CACNA1C: variants seen among roughly 807,000 people sequenced by gnomAD.
CACNA1C encodes calcium voltage-gated channel subunit alpha1 C.
A neutral mutation model predicts 229.0 loss-of-function variants in CACNA1C; 30 were observed. The observed-to-expected ratio is 0.13, with a 90% confidence interval of 0.10 to 0.18. CACNA1C has a LOEUF of 0.18. Among genes scored for constraint, CACNA1C ranks in the 10% least tolerant of loss-of-function variants. CACNA1C has a pLI of 1.00. For missense variants in CACNA1C, 1,658 were observed against 2,845.0 expected (o/e 0.58, Z 9.49); for synonymous variants, 1,114 against 1,132.5 (o/e 0.98, Z 0.33).
At chr12:2,071,256 T>A (rs1173837774) in intron 1 of CACNA1C, among the ~76,000 whole-genome samples, 1 of 149,238 alleles carries the variant, frequency 6.7e-6, no homozygotes. Context: ...GGTCTCACTC[T>A]GTTGCCCAGG....
chr12:2,675,592 C>G (rs1247947820), intron 39 of CACNA1C, among the ~76,000 whole-genome samples: 1 of 152,224 alleles, frequency 6.6e-6, no homozygotes, highest in East Asian at 1.9e-4. Context: ...GCGAACCTCT[C>G]TTGGCCAAGT....
At chr12:2,426,926 G>T (rs1465183991) in intron 3 of CACNA1C, among the ~76,000 whole-genome samples, 1 of 152,236 alleles carries the variant, frequency 6.6e-6, no homozygotes, top group Non-Finnish European at 1.5e-5. Flanking sequence ...CTTAGCTGTT[G>T]CACATTATTC....
At position 2,666,616 on chromosome 12, in the gene CACNA1C, A is replaced by T; in HGVS notation, c.4527-70A>T. ...TGAGTGGGCCCTACCCCTCAGGCGC[A>T]TGCGTCCTGGGCTGCTGGCAGAGAC... On this transcript the variant is annotated intron_variant, in intron 36 of 46. Transcript: ENST00000399655. This position sits in a 1 kb window ranked among gnomAD's most constrained non-coding sequence, Gnocchi z 5.3. The T allele has an allele frequency of 1.0e-6, 1 of 968,840 alleles. No individual in the cohort carries two copies. Among genetic ancestry groups the T allele is most frequent in the Admixed American group, 2.0e-5 (1 of 48,792 alleles). The allele number at this position is 968,840 out of a possible 1,614,324, so 60.0% of individuals were successfully genotyped here.
In CACNA1C at chr12:2,029,277, A is replaced by G. The variant is rs1323316927; in HGVS notation, c.139+58076A>G. 1.3e-5 allele frequency among the ~76,000 whole-genome samples: 2 copies of G among 152,190 alleles called. No homozygotes were observed. The highest frequency in any genetic ancestry group is 2.4e-5 in the African/African-American group (1 of 41,434). On this transcript the variant is annotated intron_variant, in intron 1 of 46. Transcript: ENST00000682462. The surrounding 1 kb of genome is among the most constrained non-coding windows in gnomAD (Gnocchi z 4.9). ...TGATGCTGCATTTATAAATTTTTAA[A>G]AATTGAGGTGTGATTCATTTCACAT... is the stretch of plus-strand genomic sequence containing the variant.
intron 1 of CACNA1C, among the ~76,000 whole-genome samples, chr12:1,985,221 C>T (rs2037354324): frequency 6.6e-6 from 1 of 152,066 alleles, no homozygotes; most frequent in Non-Finnish European, 1.5e-5. Context: ...AGTCTCTCCT[C>T]TTTATTAGAC....
intron 3 of CACNA1C, among the ~76,000 whole-genome samples, chr12:2,321,041 CGTATTTACA>C (rs1033128664): frequency 2.0e-5 from 3 of 152,214 alleles, no homozygotes; most frequent in African/African-American, 7.2e-5. Context: ...CCTATAATCA[CGTATTTACA>C]GTTGCTGCAT....
chr12:2,042,616 G>T (rs1366869040), intron 1 of CACNA1C, among the ~76,000 whole-genome samples: 1 of 152,284 alleles, frequency 6.6e-6, no homozygotes, highest in Non-Finnish European at 1.5e-5. Flanking sequence ...ACACCACAGG[G>T]ATATGGACCT....
intron 3 of CACNA1C, among the ~76,000 whole-genome samples, chr12:2,296,071 A>G (rs1177496588): frequency 6.6e-6 from 1 of 152,258 alleles, no homozygotes; most frequent in Non-Finnish European, 1.5e-5. Flanking sequence ...AGCAGGTGTC[A>G]TAAGAACGGA....
At position 2,493,480 on chromosome 12, in the gene CACNA1C, G is replaced by GA; in HGVS notation, c.1113+94_1113+95insA. On this transcript the variant is annotated intron_variant, in intron 7 of 46. Coordinates refer to ENST00000399655, the MANE Select transcript of CACNA1C (RefSeq NM_000719.7). The surrounding 1 kb of genome is among the most constrained non-coding windows in gnomAD (Gnocchi z 4.6). ...CTTTCTCCTCCTCCCCATGGTCTTG[G>GA]GGTCACATACGCATCTTGATGGAAT... 2 of 918,866 alleles carry GA rather than the reference G, an allele frequency of 2.2e-6. No individual in the cohort carries two copies. The highest frequency in any genetic ancestry group is 1.8e-6 in the Non-Finnish European group (1 of 567,570). The allele number at this position is 918,866 out of a possible 1,614,324, so 56.9% of individuals were successfully genotyped here. A position where few individuals can be genotyped will look rare whatever the true frequency, so the allele number is the denominator to read the frequency against.
In CACNA1C at chr12:2,526,203, G is replaced by A. The variant is rs941482150; in HGVS notation, c.1390+13219G>A. On this transcript the variant is annotated intron_variant, in intron 9 of 46. Coordinates refer to ENST00000399655, the MANE Select transcript of CACNA1C (RefSeq NM_000719.7). ...AATTACGGAATTCTAAAACCCTGGG[G>A]CATAAAGGGGGCTCCAGGTCCCTGA... is the stretch of plus-strand genomic sequence containing the variant. Among the ~76,000 whole-genome samples, 23 of 152,194 alleles carry A rather than the reference G, an allele frequency of 1.5e-4. 1 individual carries two copies. Among genetic ancestry groups the A allele is most frequent in the African/African-American group, 5.3e-4 (22 of 41,424 alleles).
rs2153866835 is a variant in CACNA1C at position 2,688,675 on chromosome 12, A to G, written c.6013A>G (p.Ser2005Gly). Residue 2005 changes from serine (S) to glycine (G), a missense_variant, in exon 46 of 47, where the codon AGC becomes GGC. Around this residue, in one of 20 missense-constraint regions of CACNA1C, gnomAD observed 590 missense variants for 700.8 expected, o/e 0.84. Transcript: ENST00000399655. ...WAETTPGGGG[S>G]SAARRVRPVS... is the part of the protein sequence containing the mutation. ...TGAGACCACCCCCGGTGGCGGGGGC[A>G]GCAGCGCCGCCCGGAGAGTCCGGCC... The G allele has an allele frequency of 6.2e-7, 1 of 1,613,248 alleles. No individual in the cohort carries two copies. Among genetic ancestry groups the G allele is most frequent in the Non-Finnish European group, 8.5e-7 (1 of 1,179,696 alleles).
chr12:2,170,130 T>G (rs543517184), intron 3 of CACNA1C, among the ~76,000 whole-genome samples: 12 of 152,308 alleles, frequency 7.9e-5, no homozygotes, highest in African/African-American at 2.6e-4. Flanking sequence ...AAGCCTCATG[T>G]CCAACCATGG....
At chr12:2,461,913 G>A (rs540280174) in intron 5 of CACNA1C, among the ~76,000 whole-genome samples, 6 of 152,234 alleles carry the variant, frequency 3.9e-5, no homozygotes, top group South Asian at 2.1e-4. Context: ...ATCATGGCCC[G>A]GACCTAACAC....
Position 2,569,356 on chromosome 12 carries a change from CTTAA to C in CACNA1C, c.1895+1565_1895+1568del, listed in dbSNP as rs1001226081. On this transcript the variant is annotated intron_variant, in intron 13 of 46. Transcript: ENST00000399655. ...TATATTTACCCCTTACAATGTGTAACTTAATTGTTTTTTTATATTCATGGTTATG... is the reference window on the plus strand; with the variant it reads ...TATATTTACCCCTTACAATGTGTAACTTGTTTTTTTATATTCATGGTTATG... 1.1e-4 allele frequency among the ~76,000 whole-genome samples: 16 copies of C among 152,270 alleles called. No homozygotes were observed. In the South Asian group the frequency reaches 1.2e-3, roughly 12 times the overall value.
chr12:2,053,041 C>T lies in CACNA1C; in HGVS notation c.-522C>T. ...GCTCCTGCCAGAGCGGCGCTCGGCG[C>T]GGCGCGGCGGGCCCGGAGCGGCGGC... On this transcript the variant is annotated 5_prime_UTR_variant, in exon 1 of 47. Transcript: ENST00000399655. The surrounding 1 kb of genome is among the most constrained non-coding windows in gnomAD (Gnocchi z 5.8). 1.0e-6 allele frequency: 1 copy of T among 984,502 alleles called. No individual in the cohort carries two copies. The allele number at this position is 984,502 out of a possible 1,614,324, so 61.0% of individuals were successfully genotyped here.
chr12:2,411,101 G>A (rs748922296), intron 3 of CACNA1C, among the ~76,000 whole-genome samples: 11 of 152,104 alleles, frequency 7.2e-5, no homozygotes, highest in African/African-American at 1.7e-4. Context: ...TGCTCCGCCC[G>A]TGTATGTGTT....
At chr12:2,360,895 C>T (rs1048032699) in intron 3 of CACNA1C, among the ~76,000 whole-genome samples, 14 of 151,880 alleles carry the variant, frequency 9.2e-5, no homozygotes, top group South Asian at 6.2e-4. Flanking sequence ...GAAAAATATA[C>T]GAATCCACTC....
chr12:2,083,501 A>C (rs1402131063), intron 1 of CACNA1C, among the ~76,000 whole-genome samples: 1 of 152,160 alleles, frequency 6.6e-6, no homozygotes, highest in Non-Finnish European at 1.5e-5. Context: ...GCCATTGGAG[A>C]AGCTGGGTTT....
rs145037056 is a variant in CACNA1C at position 2,346,108 on chromosome 12, C to T, written c.478-102868C>T. 1.3e-5 allele frequency among the ~76,000 whole-genome samples: 2 copies of T among 152,268 alleles called. No individual in the cohort carries two copies. The highest frequency in any genetic ancestry group is 3.9e-4 in the East Asian group (2 of 5,184). On this transcript the variant is annotated intron_variant, in intron 3 of 46. Coordinates refer to ENST00000399655, the MANE Select transcript of CACNA1C (RefSeq NM_000719.7). The surrounding 1 kb of genome is among the most constrained non-coding windows in gnomAD (Gnocchi z 4.4). Reference sequence around the variant, plus strand: ...TAGAACCGCTGAAGCTCCCCAGGTGCACCAGGAGCCTTCCCAAGACCTGGA... The same window carrying T: ...TAGAACCGCTGAAGCTCCCCAGGTGTACCAGGAGCCTTCCCAAGACCTGGA...
Sources: allele counts gnomAD v4.1 joint callset (sites outside exome capture counted in the v4.1 genomes callset), GRCh38; gene constraint gnomAD v4.1.1; regional missense constraint gnomAD v4.1.1; non-coding constraint Gnocchi (gnomAD v3.1); transcripts MANE v1.5; gene names NCBI Gene and HGNC (gene_info 2026-07-23, HGNC 2026-07-21).